The following ATRX variants were observed in gnomAD, a reference collection of about 807,000 sequenced individuals.
The protein encoded by ATRX is ATRX chromatin remodeler.
Under a neutral mutation model 172.6 loss-of-function variants are expected in ATRX, and 12 were observed. That is an observed-to-expected ratio of 0.07 (90% CI 0.04 to 0.11). The LOEUF (loss-of-function observed/expected upper bound fraction) is 0.11, where lower values mean the gene tolerates loss of function less well. ATRX is among the 10% of genes least tolerant of loss of function. ATRX has a pLI of 1.00. For synonymous variants in ATRX, 674 were observed against 594.7 expected (o/e 1.13, Z -1.94); for missense variants, 1,368 against 1,767.4 (o/e 0.77, Z 4.05).
intron 10 of ATRX, among the ~76,000 whole-genome samples, chrX:77,668,131 G>A (rs1229267353): frequency 1.8e-5 from 2 of 111,043 alleles, no homozygotes; most frequent in African/African-American, 3.3e-5. Flanking sequence ...TTAATTTAAC[G>A]GACCTAAGGG....
chrX:77,509,348 G>A (rs1228539769), intron 34 of ATRX, among the ~76,000 whole-genome samples: 1 of 112,042 alleles, frequency 8.9e-6, no homozygotes, highest in Non-Finnish European at 1.9e-5. Context: ...GTTTAACAAT[G>A]GCAAATGTGA....
At chrX:77,762,654 G>A (rs1321079009) in intron 1 of ATRX, among the ~76,000 whole-genome samples, 1 of 110,061 alleles carries the variant, frequency 9.1e-6, no homozygotes. Flanking sequence ...AAATGAATAA[G>A]AAAATAAAAT....
chrX:77,610,161 A>G (rs1557093149), intron 22 of ATRX, among the ~76,000 whole-genome samples: 1 of 111,382 alleles, frequency 9.0e-6, no homozygotes, highest in Non-Finnish European at 1.9e-5. Flanking sequence ...TCTCTATACA[A>G]TATCATGTCA....
chrX:77,780,146 A>G (rs1007213707), intron 1 of ATRX, among the ~76,000 whole-genome samples: 13 of 111,894 alleles, frequency 1.2e-4, no homozygotes, highest in African/African-American at 2.9e-4. Context: ...AACCAGGTAT[A>G]CATGATACTA....
intron 5 of ATRX, among the ~76,000 whole-genome samples, chrX:77,695,842 TC>T (rs1489069449): frequency 9.0e-6 from 1 of 111,513 alleles, no homozygotes; most frequent in African/African-American, 3.2e-5. Flanking sequence ...CTGTAAAAGA[TC>T]TATGAGAATG....
At chrX:77,719,348 T>G (rs1231540384) in intron 1 of ATRX, among the ~76,000 whole-genome samples, 1 of 110,957 alleles carries the variant, frequency 9.0e-6, no homozygotes, top group Non-Finnish European at 1.9e-5. Flanking sequence ...CATGAAAAAA[T>G]GCTCAAGATC....
At chrX:77,753,576 C>T (rs1016779103) in intron 1 of ATRX, among the ~76,000 whole-genome samples, 12 of 111,357 alleles carry the variant, frequency 1.1e-4, no homozygotes, top group Non-Finnish European at 1.3e-4. Flanking sequence ...TTAGATCTTT[C>T]CTGCTTTCTG....
chrX:77,554,185 A>T (rs2064675224), intron 30 of ATRX, among the ~76,000 whole-genome samples: 1 of 110,261 alleles, frequency 9.1e-6, no homozygotes, highest in African/African-American at 3.3e-5. Context: ...CATGTCTATA[A>T]CCTCAGCTAC....
chrX:77,508,053 T>G lies in ATRX; in HGVS notation c.*298A>C. 1 of 227,699 alleles carries G rather than the reference T, an allele frequency of 4.4e-6. No homozygotes were observed. The highest frequency in any genetic ancestry group is 7.9e-6 in the Non-Finnish European group (1 of 126,397). 18.8% of individuals were successfully genotyped at this position (227,699 alleles called of 1,213,427 possible). On this transcript the variant is annotated 3_prime_UTR_variant, in exon 35 of 35. Coordinates refer to ENST00000373344, the MANE Select transcript of ATRX (RefSeq NM_000489.6). ...GGTTGCTAAAAGCAGGCATAAAAAT[T>G]TAGAGAGGAAATCTGTGGAGTTGTT...
chrX:77,520,961 AG>A, intron 33 of ATRX, 45 bp from the exon 34 acceptor site: 1 of 1,122,434 alleles, frequency 8.9e-7, no homozygotes, highest in African/African-American at 1.8e-5. Context: ...TGTACAATTG[AG>A]GAAAAATAAT....
At chrX:77,627,227 C>T (rs1490447494) in intron 19 of ATRX, among the ~76,000 whole-genome samples, 1 of 107,634 alleles carries the variant, frequency 9.3e-6, no homozygotes, top group African/African-American at 3.4e-5. Context: ...AGTGAGACTC[C>T]GTCTCAAAAA....
chrX:77,634,232 TAAAAAAAAA>T (rs144290953), intron 17 of ATRX, among the ~76,000 whole-genome samples: 14 of 54,071 alleles, frequency 2.6e-4, no homozygotes, highest in East Asian at 1.3e-3. Context: ...TTAAAAGTTG[TAAAAAAAAA>T]AAAAAAAAAA....
intron 1 of ATRX, among the ~76,000 whole-genome samples, chrX:77,765,963 C>G (rs1173516748): frequency 2.7e-5 from 3 of 110,315 alleles, no homozygotes; most frequent in African/African-American, 9.9e-5. Flanking sequence ...ATCCATTTAA[C>G]CCTGAGTGGA....
At chrX:77,753,176 T>C (rs1267920516) in intron 1 of ATRX, among the ~76,000 whole-genome samples, 1 of 111,523 alleles carries the variant, frequency 9.0e-6, no homozygotes, top group Non-Finnish European at 1.9e-5. Flanking sequence ...GGAGTCAACT[T>C]CTTCCTGGTT....
intron 30 of ATRX, among the ~76,000 whole-genome samples, chrX:77,538,872 T>C (rs1466688787): frequency 4.5e-5 from 5 of 110,384 alleles, no homozygotes; most frequent in Non-Finnish European, 9.5e-5. Flanking sequence ...TTTTCTTCTC[T>C]TTCTGAATGC....
At chrX:77,606,078 A>T (rs1423203390) in intron 22 of ATRX, among the ~76,000 whole-genome samples, 1 of 110,875 alleles carries the variant, frequency 9.0e-6, no homozygotes, top group East Asian at 2.8e-4. Flanking sequence ...CAGACCAATA[A>T]CAAGTAATGA....
chrX:77,674,520 C>G (rs1399446205), intron 10 of ATRX: 6 of 111,050 alleles, frequency 5.4e-5, no homozygotes, highest in African/African-American at 1.6e-4. Flanking sequence ...TTGCCAGTTA[C>G]AGAGAGATAC....
At chrX:77,705,231 C>T (rs1008024465) in intron 2 of ATRX, among the ~76,000 whole-genome samples, 3 of 111,650 alleles carry the variant, frequency 2.7e-5, no homozygotes, top group Non-Finnish European at 3.8e-5. Flanking sequence ...ACTGCAGCCA[C>T]GGTTTGGCCA....
intron 28 of ATRX, among the ~76,000 whole-genome samples, chrX:77,571,779 A>G (rs1557067583): frequency 9.0e-6 from 1 of 111,646 alleles, no homozygotes; most frequent in Admixed American, 9.5e-5. Flanking sequence ...CTGTACTTGC[A>G]AGTTCAGGTG....
Sources: allele counts gnomAD v4.1 joint callset (sites outside exome capture counted in the v4.1 genomes callset), GRCh38; gene constraint gnomAD v4.1.1; transcripts MANE v1.5; gene names NCBI Gene and HGNC (gene_info 2026-07-23, HGNC 2026-07-21).